The following GRIK4 variants were observed in gnomAD, a reference collection of about 807,000 sequenced individuals.
GRIK4 encodes glutamate ionotropic receptor kainate type subunit 4.
Under a neutral mutation model 104.9 loss-of-function variants are expected in GRIK4, and 40 were observed. The ratio of observed to expected loss-of-function variants is 0.38; its 90% confidence interval spans 0.30 to 0.50. The LOEUF is 0.50. Among genes scored for constraint, GRIK4 ranks in the 20% least tolerant of loss-of-function variants. The pLI is 0.93. For synonymous variants in GRIK4, 485 were observed against 524.9 expected (o/e 0.92, Z 1.04); for missense variants, 1,047 against 1,308.1 (o/e 0.80, Z 3.08).
chr11:120,521,464 A>G (rs933761231), intron 1 of GRIK4, among the ~76,000 whole-genome samples: 3 of 152,210 alleles, frequency 2.0e-5, no homozygotes, highest in African/African-American at 7.2e-5. Context: ...TCACAGGGCC[A>G]CAAACCTGAG....
At chr11:120,893,894 T>TGA (rs1202756527) in intron 11 of GRIK4, among the ~76,000 whole-genome samples, 2 of 152,364 alleles carry the variant, frequency 1.3e-5, no homozygotes, top group East Asian at 3.9e-4. Context: ...TCTGTCATCC[T>TGA]GTTTGTCGTC....
At chr11:120,971,187 G>A (rs577273359) in intron 19 of GRIK4, among the ~76,000 whole-genome samples, 3 of 152,246 alleles carry the variant, frequency 2.0e-5, no homozygotes, top group Non-Finnish European at 4.4e-5. Context: ...TCTCCCTAAG[G>A]CTGAAGGGCT....
chr11:120,907,111 A>C (rs1942884809), intron 13 of GRIK4, among the ~76,000 whole-genome samples: 1 of 152,254 alleles, frequency 6.6e-6, no homozygotes, highest in South Asian at 2.1e-4. Context: ...TTCTCTACTT[A>C]GTCTTTCAGA....
At chr11:120,589,531 G>A (rs563982656) in intron 1 of GRIK4, among the ~76,000 whole-genome samples, 2 of 152,306 alleles carry the variant, frequency 1.3e-5, no homozygotes, top group East Asian at 3.9e-4. Flanking sequence ...TAGCAGTCGA[G>A]TCTCTTGAAT....
At chr11:120,815,299 G>T in intron 4 of GRIK4, 79 bp from the exon 5 acceptor site, 1 of 781,010 alleles carries the variant, frequency 1.3e-6, no homozygotes, top group South Asian at 1.6e-5. Flanking sequence ...AGCGGGTGAA[G>T]AGGAGAGGAC....
chr11:120,804,614 A>G (rs1452340668), intron 4 of GRIK4, among the ~76,000 whole-genome samples: 1 of 152,136 alleles, frequency 6.6e-6, no homozygotes, highest in Admixed American at 6.5e-5. Flanking sequence ...TTGAGCATTG[A>G]CTCTATCTCA....
chr11:120,864,430 T>C lies in GRIK4; in HGVS notation c.906+2310T>C, dbSNP rs575143247. On this transcript the variant is annotated intron_variant, in intron 9 of 20. Transcript: ENST00000527524. ...TAATTTTTTGTATTTTTAGTAGAGA[T>C]GGGGTTTCACCGTGTTAGCCAGGAG... 5.6e-4 allele frequency among the ~76,000 whole-genome samples: 85 copies of C among 152,044 alleles called. 1 individual carries two copies. The highest frequency in any genetic ancestry group is 2.9e-3 in the South Asian group (14 of 4,816).
intron 9 of GRIK4, 58 bp downstream of exon 9, chr11:120,862,178 GTGGGCCAA>G: frequency 6.8e-7 from 1 of 1,463,456 alleles, no homozygotes; most frequent in Non-Finnish European, 9.4e-7. Context: ...TTGCCCCTCT[GTGGGCCAA>G]CCCCTGGGCA....
At chr11:120,797,390 C>T (rs1487674998) in intron 3 of GRIK4, among the ~76,000 whole-genome samples, 2 of 152,218 alleles carry the variant, frequency 1.3e-5, no homozygotes, top group Admixed American at 6.5e-5. Context: ...AGGCTATGAG[C>T]GTTCACTGCA....
At chr11:120,731,000 A>T (rs1042879858) in intron 3 of GRIK4, among the ~76,000 whole-genome samples, 1 of 152,188 alleles carries the variant, frequency 6.6e-6, no homozygotes, top group Non-Finnish European at 1.5e-5. Flanking sequence ...AGATCATATC[A>T]TCTGCAAACA....
rs1206575748 is a variant in GRIK4 at position 120,513,830 on chromosome 11, T to C, written c.-159+1943T>C. On this transcript the variant is annotated intron_variant, in intron 1 of 20. Coordinates refer to ENST00000527524, the MANE Select transcript of GRIK4 (RefSeq NM_014619.5). The surrounding 1 kb of genome is among the most constrained non-coding windows in gnomAD (Gnocchi z 4.5). ...GAGGGGATCTTGGTTTTCTGTGTTTTTCCCATCCCCCTACCTGGGCATCTT... is the reference window on the plus strand; with the variant it reads ...GAGGGGATCTTGGTTTTCTGTGTTTCTCCCATCCCCCTACCTGGGCATCTT... 6.6e-6 allele frequency among the ~76,000 whole-genome samples: 1 copy of C among 152,162 alleles called. No homozygotes were observed. Among genetic ancestry groups the C allele is most frequent in the African/African-American group, 2.4e-5 (1 of 41,436 alleles).
At chr11:120,529,645 A>G (rs937644161) in intron 1 of GRIK4, among the ~76,000 whole-genome samples, 8 of 152,250 alleles carry the variant, frequency 5.3e-5, no homozygotes, top group African/African-American at 1.9e-4. Flanking sequence ...CTTCTGTGAA[A>G]CAAGGTGGAG....
At chr11:120,743,578 A>T (rs1951378928) in intron 3 of GRIK4, among the ~76,000 whole-genome samples, 1 of 152,180 alleles carries the variant, frequency 6.6e-6, no homozygotes, top group South Asian at 2.1e-4. Flanking sequence ...CCTAGAATAA[A>T]AGTTTTTTTT....
chr11:120,581,580 C>A (rs925096639), intron 1 of GRIK4, among the ~76,000 whole-genome samples: 1 of 152,190 alleles, frequency 6.6e-6, no homozygotes, highest in Non-Finnish European at 1.5e-5. Flanking sequence ...CTCTTCCCCT[C>A]GGTTCCTAGA....
In GRIK4 at chr11:120,986,301, G is replaced by C; in HGVS notation, c.*41G>C. ...GACGCGCAGAGGCCGGGCGGGGCGG[G>C]AGGGGAGGGGCGGGGCGGGCGCTGC... On this transcript the variant is annotated 3_prime_UTR_variant, in exon 21 of 21. Coordinates refer to ENST00000527524, the MANE Select transcript of GRIK4 (RefSeq NM_014619.5). 1.0e-6 allele frequency: 1 copy of C among 976,510 alleles called. No homozygotes were observed. The highest frequency in any genetic ancestry group is 1.6e-5 in the South Asian group (1 of 62,076). The allele number at this position is 976,510 out of a possible 1,614,324, so 60.5% of individuals were successfully genotyped here. A position where few individuals can be genotyped will look rare whatever the true frequency, so the allele number is the denominator to read the frequency against.
rs972698107 is a variant in GRIK4 at position 120,778,781 on chromosome 11, C to T, written c.83-23912C>T. ...CCCCTCCTTCATATCAGTGGGGCCT[C>T]AGCTCTTTCTGCATTCTTAGAACAG... is the stretch of plus-strand genomic sequence containing the variant. On this transcript the variant is annotated intron_variant, in intron 3 of 20. Coordinates refer to ENST00000527524, the MANE Select transcript of GRIK4 (RefSeq NM_014619.5). Among the ~76,000 whole-genome samples the T allele has an allele frequency of 5.3e-5, 8 of 152,314 alleles. No homozygotes were observed. The East Asian group carries it at 1.5e-3, about 29-fold the overall frequency.
At chr11:120,765,636 G>A (rs1194006286) in intron 3 of GRIK4, among the ~76,000 whole-genome samples, 3 of 152,182 alleles carry the variant, frequency 2.0e-5, no homozygotes, top group African/African-American at 4.8e-5. Flanking sequence ...CCTTCAGATA[G>A]AGTTTCTGTG....
intron 6 of GRIK4, among the ~76,000 whole-genome samples, chr11:120,829,182 C>T (rs1298923804): frequency 1.3e-5 from 2 of 152,178 alleles, no homozygotes; most frequent in African/African-American, 2.4e-5. Flanking sequence ...CCCTCACCCA[C>T]AGCCTGCTCA....
At chr11:120,834,635 C>T (rs188773601) in intron 7 of GRIK4, among the ~76,000 whole-genome samples, 123 of 152,284 alleles carry the variant, frequency 8.1e-4, no homozygotes, top group Non-Finnish European at 1.3e-3. Flanking sequence ...AGGGAGCACA[C>T]GGGGCCTCTG....
Sources: allele counts gnomAD v4.1 joint callset (sites outside exome capture counted in the v4.1 genomes callset), GRCh38; gene constraint gnomAD v4.1.1; non-coding constraint Gnocchi (gnomAD v3.1); transcripts MANE v1.5; gene names NCBI Gene and HGNC (gene_info 2026-07-23, HGNC 2026-07-21).